Variants in BMS1 observed in about 807,000 individuals in gnomAD.
BMS1 encodes BMS1 ribosome biogenesis factor.
A neutral mutation model predicts 138.7 loss-of-function variants in BMS1; 53 were observed. The observed-to-expected ratio is 0.38, with a 90% CI of 0.31 to 0.48. The LOEUF is 0.48. BMS1 is among the 20% of genes least tolerant of loss of function. The pLI is 0.97. For synonymous variants in BMS1, 504 were observed against 539.9 expected (o/e 0.93, Z 0.92); for missense variants, 1,360 against 1,565.5 (o/e 0.87, Z 2.22).
In BMS1 at chr10:42,788,346, CT is replaced by C. The variant is rs778050546; in HGVS notation, c.447+1107del. On this transcript the variant is annotated intron_variant, in intron 4 of 22. Coordinates refer to ENST00000374518, the MANE Select transcript of BMS1 (RefSeq NM_014753.4). ...ACATACATATTAAGAGATACCTTTA[CT>C]TTTTTTTATTTTTAATTATTATGGA... Among the ~76,000 whole-genome samples, 282 of 151,802 alleles carry C rather than the reference CT, an allele frequency of 1.9e-3. 1 individual carries two copies. The highest frequency in any genetic ancestry group is 6.0e-3 in the African/African-American group (248 of 41,408).
Position 42,798,677 on chromosome 10 carries a change from G to A in BMS1, c.2247+52G>A, listed in dbSNP as rs561772117. The A allele has an allele frequency of 2.5e-6, 4 of 1,595,820 alleles. No homozygotes were observed. The African/African-American group carries it at 4.0e-5, about 16-fold the overall frequency. ...ATTAGAGAATTAGCGAATTGTTCTA[G>A]AATAAGATTATCTGATGTCAATATT... On this transcript the variant is annotated intron_variant, in intron 12 of 22. Coordinates refer to ENST00000374518, the MANE Select transcript of BMS1 (RefSeq NM_014753.4).
At position 42,796,978 on chromosome 10, in the gene BMS1, T is replaced by G; in HGVS notation, c.1734T>G (p.Asp578Glu). 1 of 1,614,222 alleles carries G rather than the reference T, an allele frequency of 6.2e-7. No homozygotes were observed. The highest frequency in any genetic ancestry group is 8.5e-7 in the Non-Finnish European group (1 of 1,180,030). Residue 578 changes from aspartate to glutamate, a missense_variant, in exon 10 of 23, where the codon GAT becomes GAG. Transcript: ENST00000374518. ...LMKKAALPTFDSGHCTAEEVF... is the reference protein window; with the variant it reads ...LMKKAALPTFESGHCTAEEVF... The stretch of plus-strand genomic sequence containing the variant: ...AGAAAGCAGCTCTCCCCACTTTCGA[T>G]TCTGGGCATTGCACAGCTGAAGAGG...
intron 21 of BMS1, among the ~76,000 whole-genome samples, chr10:42,824,067 A>G (rs560653123): frequency 1.0e-3 from 154 of 152,338 alleles, no homozygotes; most frequent in African/African-American, 3.5e-3. Context: ...ATACATATAG[A>G]TAGTAAACTG....
intron 15 of BMS1, among the ~76,000 whole-genome samples, chr10:42,819,557 C>A (rs1211724910): frequency 1.3e-5 from 2 of 152,152 alleles, no homozygotes; most frequent in African/African-American, 4.8e-5. Context: ...AATCAGGAAA[C>A]AGCCATCAGC....
chr10:42,828,622 TTTTTA>T (rs1187752221), intron 21 of BMS1, among the ~76,000 whole-genome samples: 2 of 152,182 alleles, frequency 1.3e-5, no homozygotes, highest in Non-Finnish European at 2.9e-5. Context: ...AGTTTTTTTT[TTTTTA>T]TTTTAGGTTT....
chr10:42,830,272 G>T lies in BMS1; in HGVS notation c.3468G>T (p.Arg1156Ser), dbSNP rs773829645. The T allele has an allele frequency of 6.2e-7, 1 of 1,611,902 alleles. No individual in the cohort carries two copies. Among genetic ancestry groups the T allele is most frequent in the East Asian group, 2.2e-5 (1 of 44,870 alleles). Reference sequence around the variant, plus strand: ...GTTTTTCTTTTCAGCCAATCCTGAGGCAAAAGAAACATTTTAATTCACTGC... The same window carrying T: ...GTTTTTCTTTTCAGCCAATCCTGAGTCAAAAGAAACATTTTAATTCACTGC... ...NKDSLYKPILRQKKHFNSLHI... is the reference protein window; with the variant it reads ...NKDSLYKPILSQKKHFNSLHI... The change falls in exon 22 of 23, where the codon AGG (arginine) becomes AGT (serine). Residue 1156 changes from arginine (R) to serine (S), a missense_variant. Coordinates refer to ENST00000374518, the MANE Select transcript of BMS1 (RefSeq NM_014753.4).
intron 6 of BMS1, among the ~76,000 whole-genome samples, chr10:42,792,172 T>A (rs1402345310): frequency 6.6e-6 from 1 of 152,166 alleles, no homozygotes; most frequent in Non-Finnish European, 1.5e-5. Flanking sequence ...CAAGCCACAG[T>A]AAAAATCCCA....
chr10:42,813,154 C>A (rs917322512), intron 13 of BMS1, among the ~76,000 whole-genome samples: 2 of 152,190 alleles, frequency 1.3e-5, no homozygotes, highest in Non-Finnish European at 2.9e-5. Flanking sequence ...TTTCTCCATT[C>A]TTTTACTTTC....
chr10:42,798,579 G>A lies in BMS1; in HGVS notation c.2201G>A (p.Cys734Tyr). ...AAGCACAAGGCTGACTCTTTGGACT[G>A]CTCCAGATTTCTTGTGGAGGCCCCC... is the stretch of plus-strand genomic sequence containing the variant. ...ECKHKADSLD[C>Y]SRFLVEAPHD... Residue 734 changes from cysteine to tyrosine, a missense_variant, in exon 12 of 23, where the codon TGC becomes TAC. Cys to Tyr is a radical substitution (Grantham distance 194). Coordinates refer to ENST00000374518, the MANE Select transcript of BMS1 (RefSeq NM_014753.4). 6.2e-7 allele frequency: 1 copy of A among 1,614,250 alleles called. No homozygotes were observed. Among genetic ancestry groups the A allele is most frequent in the Non-Finnish European group, 8.5e-7 (1 of 1,180,042 alleles).
intron 9 of BMS1, among the ~76,000 whole-genome samples, chr10:42,795,531 G>A (rs1422122278): frequency 1.3e-5 from 2 of 151,022 alleles, no homozygotes; most frequent in African/African-American, 4.9e-5. Context: ...ATGTTGCCCA[G>A]GCTGGTCTCA....
chr10:42,816,103 C>T (rs1842339842), intron 13 of BMS1, among the ~76,000 whole-genome samples: 1 of 152,042 alleles, frequency 6.6e-6, no homozygotes, highest in South Asian at 2.1e-4. Flanking sequence ...AGTTCGAGAC[C>T]AGCCTGGCCA....
chr10:42,797,859 A>T (rs1340744829), intron 11 of BMS1, among the ~76,000 whole-genome samples: 1 of 152,226 alleles, frequency 6.6e-6, no homozygotes, highest in Non-Finnish European at 1.5e-5. Context: ...CTTTCTGAGA[A>T]TGAGAACCCT....
In BMS1 at chr10:42,818,772, G is replaced by A. The variant is rs192188204; in HGVS notation, c.2580+1278G>A. Reference sequence around the variant, plus strand: ...TGCCACTTAACGCTGTGAGGTGGCCGGGAGTGAGTGCAGAGTGAGTGGGAG... The same window carrying A: ...TGCCACTTAACGCTGTGAGGTGGCCAGGAGTGAGTGCAGAGTGAGTGGGAG... On this transcript the variant is annotated intron_variant, in intron 15 of 22. Transcript: ENST00000374518. 2.8e-4 allele frequency among the ~76,000 whole-genome samples: 43 copies of A among 152,268 alleles called. No homozygotes were observed. In the South Asian group the frequency reaches 6.8e-3, roughly 24 times the overall value.
At chr10:42,828,449 G>A (rs1358183070) in intron 21 of BMS1, among the ~76,000 whole-genome samples, 1 of 152,152 alleles carries the variant, frequency 6.6e-6, no homozygotes, top group Non-Finnish European at 1.5e-5. Flanking sequence ...CACTTCTGCT[G>A]GAGGATCCCT....
chr10:42,817,196 T>C (rs1842373888), intron 14 of BMS1, 122 bp from the exon 15 acceptor site: 1 of 792,932 alleles, frequency 1.3e-6, no homozygotes, highest in Non-Finnish European at 2.0e-6. Flanking sequence ...TTCTTTTGTT[T>C]TATTGATAAT....
At position 42,810,240 on chromosome 10, in the gene BMS1, A is replaced by G. The variant is rs1842133119; in HGVS notation, c.2330-6359A>G. 1.3e-5 allele frequency among the ~76,000 whole-genome samples: 2 copies of G among 152,190 alleles called. 1 individual carries two copies. The highest frequency in any genetic ancestry group is 4.1e-4 in the South Asian group (2 of 4,832). ...TTTTTCCTTTCATGTCAGATGGTTA[A>G]TGTGCTAATGTTGTAACAAGGGTCA... On this transcript the variant is annotated intron_variant, in intron 13 of 22. Coordinates refer to ENST00000374518, the MANE Select transcript of BMS1 (RefSeq NM_014753.4).
At chr10:42,798,366 A>C (rs115243824) in intron 11 of BMS1, 102 bp from the exon 12 acceptor site, 2 of 1,418,584 alleles carry the variant, frequency 1.4e-6, no homozygotes, top group African/African-American at 1.4e-5. Flanking sequence ...AGAGTCCCTC[A>C]GTTCCTGAGT....
Position 42,821,070 on chromosome 10 carries a change from CTT to C in BMS1, c.3009+80_3009+81del. ...GGTGTGGGTTATTATGTACATGAGA[CTT>C]TAAGTTGAAAATTACTCATTTTTAT... On this transcript the variant is annotated intron_variant, in intron 18 of 22. Transcript: ENST00000374518. 15 of 1,172,450 alleles carry C rather than the reference CTT, an allele frequency of 1.3e-5. No individual in the cohort carries two copies. In the South Asian group the frequency reaches 1.6e-4, roughly 12 times the overall value. 72.6% of individuals were successfully genotyped at this position (1,172,450 alleles called of 1,614,324 possible).
chr10:42,812,439 CT>C (rs1179126567), intron 13 of BMS1, among the ~76,000 whole-genome samples: 5 of 152,246 alleles, frequency 3.3e-5, no homozygotes, highest in African/African-American at 1.2e-4. Context: ...TGTGCCCGGC[CT>C]CCGCCTAGTT....
Sources: allele counts gnomAD v4.1 joint callset (sites outside exome capture counted in the v4.1 genomes callset), GRCh38; gene constraint gnomAD v4.1.1; transcripts MANE v1.5; gene names NCBI Gene and HGNC (gene_info 2026-07-23, HGNC 2026-07-21).